Variants in CCND3 observed in about 807,000 individuals in gnomAD.
The protein encoded by CCND3 is cyclin D3.
CCND3 carries 9 observed loss-of-function variants against 28.7 expected under a neutral mutation model. The ratio of observed to expected loss-of-function variants is 0.31; its 90% CI spans 0.19 to 0.55. The LOEUF (loss-of-function observed/expected upper bound fraction) is 0.55, where lower values mean the gene tolerates loss of function less well. CCND3 is among the 20% of genes least tolerant of loss of function. The pLI is 0.93. For synonymous variants in CCND3, 164 were observed against 163.9 expected (o/e 1.00, Z 0.00); for missense variants, 315 against 385.8 (o/e 0.82, Z 1.54).
intron 1 of CCND3, among the ~76,000 whole-genome samples, chr6:41,993,273 AC>A (rs1156953134): frequency 6.6e-6 from 1 of 152,164 alleles, no homozygotes; most frequent in African/African-American, 2.4e-5. Context: ...ATTCCCACCA[AC>A]CGTCTATGAG....
rs933899296 is a variant in CCND3, at chr6:41,941,688, G to A, written c.-39C>T. On this transcript the variant is annotated 5_prime_UTR_variant, in exon 1 of 5. Coordinates refer to ENST00000372991, the MANE Select transcript of CCND3 (RefSeq NM_001760.5). The surrounding 1 kb of genome is among the most constrained non-coding windows in gnomAD (Gnocchi z 6.1). ...ACAGGCAGGGCGGGAGTGCGGGCTC[G>A]CGAGTCCCAAGGCAGGCGACGGGCC... 9 of 1,324,214 alleles carry A rather than the reference G, an allele frequency of 6.8e-6. No homozygotes were observed. In the East Asian group the frequency reaches 2.8e-4, roughly 41 times the overall value. 82.0% of individuals were successfully genotyped at this position (1,324,214 alleles called of 1,614,324 possible). A position where few individuals can be genotyped will look rare whatever the true frequency, so the allele number is the denominator to read the frequency against.
At chr6:41,984,457 C>T (rs1762427202) in intron 1 of CCND3, among the ~76,000 whole-genome samples, 2 of 152,148 alleles carry the variant, frequency 1.3e-5, no homozygotes, top group South Asian at 2.1e-4. Context: ...AGTGATTCTC[C>T]TCTCTCAGCC....
At chr6:42,041,542 T>C (rs933228018) in intron 1 of CCND3, among the ~76,000 whole-genome samples, 4 of 152,282 alleles carry the variant, frequency 2.6e-5, no homozygotes, top group Non-Finnish European at 5.9e-5. Flanking sequence ...TGTGGTTCTA[T>C]AGCAGACACC....
At chr6:41,947,015 C>T (rs1336578803) in intron 1 of CCND3, among the ~76,000 whole-genome samples, 5 of 151,896 alleles carry the variant, frequency 3.3e-5, no homozygotes, top group Non-Finnish European at 5.9e-5. Flanking sequence ...GTCAGGAGAT[C>T]GAGACCAGCC....
At position 41,939,874 on chromosome 6, in the gene CCND3, C is replaced by G. The variant is rs2127393160; in HGVS notation, c.414+496G>C. ...AGCCCTTCCTTAAAGCAATCAGGGC[C>G]TGGCTTTAATTGGCTCTGGGAGGCT... On this transcript the variant is annotated intron_variant, in intron 2 of 4. Coordinates refer to ENST00000372991, the MANE Select transcript of CCND3 (RefSeq NM_001760.5). This position sits in a 1 kb window ranked among gnomAD's most constrained non-coding sequence, Gnocchi z 4.2. Among the ~76,000 whole-genome samples, 1 of 152,282 alleles carries G rather than the reference C, an allele frequency of 6.6e-6. No homozygotes were observed. The highest frequency in any genetic ancestry group is 1.9e-4 in the East Asian group (1 of 5,182).
chr6:41,966,779 A>G (rs1489869054), intron 1 of CCND3, among the ~76,000 whole-genome samples: 1 of 152,074 alleles, frequency 6.6e-6, no homozygotes, highest in African/African-American at 2.4e-5. Context: ...CAATAATCTC[A>G]TTTTAGAGGG....
intron 1 of CCND3, among the ~76,000 whole-genome samples, chr6:42,042,660 G>C (rs1009353839): frequency 3.3e-5 from 5 of 152,078 alleles, no homozygotes; most frequent in Non-Finnish European, 7.4e-5. Flanking sequence ...GCGCCTGGCT[G>C]GAAGTCTTAA....
At chr6:41,983,400 G>GTA (rs1228275228) in intron 1 of CCND3, among the ~76,000 whole-genome samples, 2 of 151,358 alleles carry the variant, frequency 1.3e-5, no homozygotes, top group South Asian at 2.1e-4. Context: ...TATGTTAGTG[G>GTA]TATATATATA....
intron 1 of CCND3, among the ~76,000 whole-genome samples, chr6:42,002,845 C>T (rs1763054021): frequency 6.9e-6 from 1 of 144,446 alleles, no homozygotes; most frequent in South Asian, 2.2e-4. Flanking sequence ...CAGAGCTAGA[C>T]TCCATCTCAA....
chr6:42,000,234 C>CTTTTTTTTT (rs70987562), intron 1 of CCND3, among the ~76,000 whole-genome samples: 3,450 of 51,004 alleles, frequency 0.068, 1,306 homozygotes, highest in Admixed American at 0.1. Flanking sequence ...TGAAAACATA[C>CTTTTTTTTT]TTTTTTTTTT....
chr6:42,031,696 T>C (rs1329932003), intron 1 of CCND3, among the ~76,000 whole-genome samples: 1 of 152,046 alleles, frequency 6.6e-6, no homozygotes, highest in Non-Finnish European at 1.5e-5. Context: ...CTTCAAGTCT[T>C]TGTGTGTGTG....
chr6:41,959,948 T>C (rs1489485405), intron 1 of CCND3, among the ~76,000 whole-genome samples: 64 of 97,812 alleles, frequency 6.5e-4, no homozygotes, highest in African/African-American at 2.8e-3. Context: ...AGAGCGAGAC[T>C]CCGTCTCAAA....
intron 1 of CCND3, among the ~76,000 whole-genome samples, chr6:42,036,408 T>A (rs1291930397): frequency 1.1e-3 from 112 of 101,828 alleles, no homozygotes; most frequent in African/African-American, 4.1e-3. Flanking sequence ...TATATATTTT[T>A]TTTTTTTTTT....
At chr6:42,028,900 G>A (rs548372792) in intron 1 of CCND3, among the ~76,000 whole-genome samples, 40 of 152,100 alleles carry the variant, frequency 2.6e-4, no homozygotes, top group Admixed American at 7.2e-4. Context: ...GACCTGTGCA[G>A]CCACACAGGG....
At chr6:42,002,453 A>AC (rs1554165131) in intron 1 of CCND3, among the ~76,000 whole-genome samples, 1 of 151,178 alleles carries the variant, frequency 6.6e-6, no homozygotes, top group African/African-American at 2.4e-5. Context: ...AAAAAAAAAA[A>AC]CTATGTATTT....
intron 1 of CCND3, among the ~76,000 whole-genome samples, chr6:42,024,130 G>A (rs1234395521): frequency 6.6e-6 from 1 of 152,156 alleles, no homozygotes; most frequent in East Asian, 1.9e-4. Context: ...ATGGCTGGGT[G>A]CGGTGGCTCA....
At chr6:41,962,724 G>A (rs575833184) in intron 1 of CCND3, among the ~76,000 whole-genome samples, 1 of 151,992 alleles carries the variant, frequency 6.6e-6, no homozygotes, top group Admixed American at 6.6e-5. Context: ...CCGCCAGCCT[G>A]CGTGACAAGA....
chr6:42,025,052 C>T (rs1763834187), intron 1 of CCND3, among the ~76,000 whole-genome samples: 1 of 151,920 alleles, frequency 6.6e-6, no homozygotes, highest in Admixed American at 6.6e-5. Flanking sequence ...AGTGAGACTC[C>T]ATCTCAAAAA....
intron 1 of CCND3, among the ~76,000 whole-genome samples, chr6:41,987,517 CTGTG>C (rs139188810): frequency 6.6e-5 from 4 of 60,258 alleles, no homozygotes; most frequent in African/African-American, 2.7e-4. Context: ...CTCTCTCTCT[CTGTG>C]TGTGTGTGTG....
Sources: allele counts gnomAD v4.1 joint callset (sites outside exome capture counted in the v4.1 genomes callset), GRCh38; gene constraint gnomAD v4.1.1; non-coding constraint Gnocchi (gnomAD v3.1); transcripts MANE v1.5; gene names NCBI Gene and HGNC (gene_info 2026-07-23, HGNC 2026-07-21).